The following NPAS3 variants were observed in gnomAD, a reference collection of about 807,000 sequenced individuals.
NPAS3 encodes the protein neuronal PAS domain protein 3.
A neutral mutation model predicts 73.1 loss-of-function variants in NPAS3; 14 were observed. The observed-to-expected ratio is 0.19, with a 90% confidence interval of 0.13 to 0.30. The LOEUF is 0.30. Ranked by LOEUF, NPAS3 falls within the 10% of genes least tolerant of loss-of-function variation. NPAS3 has a pLI of 1.00. For missense variants in NPAS3, 1,096 were observed against 1,250.0 expected (o/e 0.88, Z 1.86); for synonymous variants, 620 against 541.5 (o/e 1.14, Z -2.01).
At chr14:33,168,785 C>T (rs1327493255) in intron 2 of NPAS3, among the ~76,000 whole-genome samples, 1 of 152,140 alleles carries the variant, frequency 6.6e-6, no homozygotes, top group Non-Finnish European at 1.5e-5. Context: ...GTTGGCCTTC[C>T]TCCTGTTCTG....
At chr14:33,787,634 G>A (rs773125624) in intron 9 of NPAS3, among the ~76,000 whole-genome samples, 3 of 151,140 alleles carry the variant, frequency 2.0e-5, no homozygotes, top group African/African-American at 7.3e-5. Context: ...ACCAATTTCT[G>A]GATGCCTGCT....
intron 4 of NPAS3, among the ~76,000 whole-genome samples, chr14:33,460,721 G>A (rs553209019): frequency 1.3e-5 from 2 of 151,942 alleles, no homozygotes; most frequent in Admixed American, 6.6e-5. Flanking sequence ...TGTGGTTGTC[G>A]TCGTTTTGTT....
chr14:33,629,192 G>T lies in NPAS3; in HGVS notation c.559-47019G>T, dbSNP rs867099558. Among the ~76,000 whole-genome samples, 47 of 147,124 alleles carry T rather than the reference G, an allele frequency of 3.2e-4. 1 individual carries two copies. The highest frequency in any genetic ancestry group is 7.8e-3 in the Middle Eastern group (2 of 258). Reference sequence around the variant, plus strand: ...GAAGTTTGCAGTGAGGGGAGATTGCGCCACTGCACTCCAGCCTGGGTGACA... The same window carrying T: ...GAAGTTTGCAGTGAGGGGAGATTGCTCCACTGCACTCCAGCCTGGGTGACA... On this transcript the variant is annotated intron_variant, in intron 5 of 11. Coordinates refer to ENST00000356141, the Ensembl canonical transcript of NPAS3.
chr14:33,216,747 C>T (rs1566687671), intron 3 of NPAS3, among the ~76,000 whole-genome samples: 1 of 152,148 alleles, frequency 6.6e-6, no homozygotes, highest in Non-Finnish European at 1.5e-5. Flanking sequence ...CAACATTTGT[C>T]CCATAGGCTA....
intron 2 of NPAS3, among the ~76,000 whole-genome samples, chr14:33,167,239 T>C (rs2045196672): frequency 6.6e-6 from 1 of 152,182 alleles, no homozygotes; most frequent in African/African-American, 2.4e-5. Flanking sequence ...AGAGGGGCCG[T>C]GATCAGCTTC....
intron 4 of NPAS3, among the ~76,000 whole-genome samples, chr14:33,479,915 TAAAA>T (rs373241993): frequency 1.3e-5 from 2 of 149,098 alleles, no homozygotes; most frequent in South Asian, 2.1e-4. Context: ...CTTAGAGAAT[TAAAA>T]AAAAAAGTAT....
intron 3 of NPAS3, among the ~76,000 whole-genome samples, chr14:33,315,165 TC>T (rs965358479): frequency 2.0e-5 from 3 of 152,110 alleles, no homozygotes; most frequent in African/African-American, 7.2e-5. Context: ...GAAAATGACA[TC>T]TATGAAAAGC....
At chr14:33,315,615 T>C (rs1482879939) in intron 3 of NPAS3, among the ~76,000 whole-genome samples, 1 of 151,856 alleles carries the variant, frequency 6.6e-6, no homozygotes, top group African/African-American at 2.4e-5. Context: ...CAGAGTACTA[T>C]AGGTGAACAG....
chr14:33,606,277 T>C (rs1192706405), intron 5 of NPAS3, among the ~76,000 whole-genome samples: 1 of 130,760 alleles, frequency 7.6e-6, no homozygotes, highest in Non-Finnish European at 1.5e-5. Context: ...CCTGTGTCCA[T>C]GTGTTCTCAT....
chr14:33,744,952 G>A (rs1037545089), intron 7 of NPAS3, among the ~76,000 whole-genome samples: 1 of 151,642 alleles, frequency 6.6e-6, no homozygotes, highest in Non-Finnish European at 1.5e-5. Flanking sequence ...ATAAAGCACA[G>A]TATCTAGACC....
intron 2 of NPAS3, among the ~76,000 whole-genome samples, chr14:33,191,258 A>G (rs1267894096): frequency 6.6e-6 from 1 of 152,228 alleles, no homozygotes; most frequent in East Asian, 1.9e-4. Context: ...TAGATATCAT[A>G]AAGTATTATG....
intron 3 of NPAS3, among the ~76,000 whole-genome samples, chr14:33,228,633 A>G (rs555764184): frequency 2.0e-5 from 3 of 152,250 alleles, no homozygotes; most frequent in East Asian, 1.9e-4. Context: ...AATATTTATT[A>G]TATTGCAAGA....
At chr14:33,058,079 A>G (rs1415052631) in intron 2 of NPAS3, among the ~76,000 whole-genome samples, 1 of 152,022 alleles carries the variant, frequency 6.6e-6, no homozygotes. Flanking sequence ...TTTATTACTC[A>G]TCAGCATTTA....
At chr14:32,968,700 G>T (rs2037290996) in intron 1 of NPAS3, among the ~76,000 whole-genome samples, 1 of 151,986 alleles carries the variant, frequency 6.6e-6, no homozygotes, top group African/African-American at 2.4e-5. Context: ...TGCTTGCCTG[G>T]GTGGTTCTGG....
chr14:33,286,941 A>G (rs1295819697), intron 3 of NPAS3, among the ~76,000 whole-genome samples: 2 of 152,202 alleles, frequency 1.3e-5, no homozygotes, highest in Non-Finnish European at 2.9e-5. Flanking sequence ...GAGTTGGGCT[A>G]CTTCCTGAGC....
intron 5 of NPAS3, among the ~76,000 whole-genome samples, chr14:33,673,502 CAAT>C (rs2059669663): frequency 6.6e-6 from 1 of 152,216 alleles, no homozygotes; most frequent in Non-Finnish European, 1.5e-5. Flanking sequence ...CAAAATTACA[CAAT>C]AATATACATT....
intron 7 of NPAS3, among the ~76,000 whole-genome samples, chr14:33,764,640 T>C (rs1595571917): frequency 6.6e-6 from 1 of 152,132 alleles, no homozygotes; most frequent in Non-Finnish European, 1.5e-5. Flanking sequence ...TGTGTAATAT[T>C]GAGAAGAACT....
At chr14:33,634,575 G>A (rs2058464379) in intron 5 of NPAS3, among the ~76,000 whole-genome samples, 1 of 152,172 alleles carries the variant, frequency 6.6e-6, no homozygotes, top group Non-Finnish European at 1.5e-5. Flanking sequence ...AGCACCAGGA[G>A]TAGTATATAA....
rs117656066 is a variant in NPAS3, at chr14:33,028,522, G to A, written c.51-27383G>A. On this transcript the variant is annotated intron_variant, in intron 1 of 11. Coordinates refer to ENST00000356141, the Ensembl canonical transcript of NPAS3. Reference sequence around the variant, plus strand: ...TGCTACTATTTTTCTTTTCATGCTGGAGTTTCACTGTTAGACAATTTTGTC... The same window carrying A: ...TGCTACTATTTTTCTTTTCATGCTGAAGTTTCACTGTTAGACAATTTTGTC... Among the ~76,000 whole-genome samples, 292 of 152,262 alleles carry A rather than the reference G, an allele frequency of 1.9e-3. 9 individuals are homozygous for A. In the East Asian group the frequency reaches 0.049, roughly 25 times the overall value.
Sources: gnomAD v4.1 joint callset for allele counts (sites outside exome capture counted in the v4.1 genomes callset) on GRCh38, gnomAD v4.1.1 for gene constraint, MANE v1.5 for transcripts, NCBI Gene and HGNC (gene_info 2026-07-23, HGNC 2026-07-21) for gene names.